Variants in RIMBP2 observed in about 807,000 individuals in gnomAD.
The protein encoded by RIMBP2 is RIMS-binding protein 2.
RIMBP2 carries 48 observed loss-of-function variants against 118.6 expected under a neutral mutation model. The observed-to-expected ratio is 0.40, with a 90% CI of 0.32 to 0.51. RIMBP2 has a LOEUF of 0.51. RIMBP2 is among the 20% of genes least tolerant of loss of function. The pLI, the probability that RIMBP2 is intolerant of heterozygous loss-of-function variation, is 0.41. For synonymous variants in RIMBP2, 762 were observed against 742.9 expected, an observed-to-expected ratio of 1.03 and a Z score of -0.42; for missense variants, 1,551 against 1,768.3, an observed-to-expected ratio of 0.88 and a Z score of 2.20.
intron 1 of RIMBP2, among the ~76,000 whole-genome samples, chr12:130,654,873 A>C (rs7968774): frequency 0.26 from 39,007 of 152,078 alleles, 5,579 homozygotes; most frequent in East Asian, 0.49. Flanking sequence ...CAGCAACAGC[A>C]AGAAAGCCAG....
chr12:130,709,090 T>C (rs1949708288), intron 1 of RIMBP2, among the ~76,000 whole-genome samples: 1 of 152,232 alleles, frequency 6.6e-6, no homozygotes, highest in Non-Finnish European at 1.5e-5. Context: ...GCAACAGCAG[T>C]CCGATGCATT....
chr12:130,563,722 C>T (rs1416086325), intron 2 of RIMBP2, among the ~76,000 whole-genome samples: 1 of 152,182 alleles, frequency 6.6e-6, no homozygotes, highest in Non-Finnish European at 1.5e-5. Flanking sequence ...CCCAAATGTA[C>T]ATTGACTAGA....
chr12:130,518,285 TAGAC>T (rs1050017731), intron 2 of RIMBP2, among the ~76,000 whole-genome samples: 2 of 152,072 alleles, frequency 1.3e-5, no homozygotes, highest in African/African-American at 4.8e-5. Flanking sequence ...CAATAAACAA[TAGAC>T]AGAGAAAGTT....
At chr12:130,679,970 C>T (rs1037328442) in intron 1 of RIMBP2, among the ~76,000 whole-genome samples, 16 of 151,450 alleles carry the variant, frequency 1.1e-4, no homozygotes, top group Non-Finnish European at 2.4e-4. Flanking sequence ...GGAGTGTGTT[C>T]GCCCGCCGTG....
At chr12:130,421,691 A>ATATGTGTGTGTGTG (rs143606738) in intron 17 of RIMBP2, among the ~76,000 whole-genome samples, 1 of 147,188 alleles carries the variant, frequency 6.8e-6, no homozygotes, top group African/African-American at 2.5e-5. Context: ...CTGCATTTAT[A>ATATGTGTGTGTGTG]TGTGTGTGTG....
At chr12:130,575,446 A>T (rs1445214688) in intron 2 of RIMBP2, among the ~76,000 whole-genome samples, 1 of 152,022 alleles carries the variant, frequency 6.6e-6, no homozygotes, top group Non-Finnish European at 1.5e-5. Context: ...AGCAATATTC[A>T]TGTGACATTT....
At chr12:130,714,927 A>T (rs1487606) in intron 1 of RIMBP2, among the ~76,000 whole-genome samples, 1 of 151,992 alleles carries the variant, frequency 6.6e-6, no homozygotes, top group Non-Finnish European at 1.5e-5. Flanking sequence ...GGAGGTGGTG[A>T]TTTTTTAGAG....
intron 4 of RIMBP2, among the ~76,000 whole-genome samples, chr12:130,483,775 C>T (rs960979559): frequency 7.0e-6 from 1 of 142,394 alleles, no homozygotes; most frequent in African/African-American, 2.6e-5. Flanking sequence ...CATCCCTCAC[C>T]TACACACAGT....
intron 1 of RIMBP2, among the ~76,000 whole-genome samples, chr12:130,662,403 A>C (rs1809607): frequency 0.54 from 82,431 of 151,774 alleles, 22,990 homozygotes; most frequent in Non-Finnish European, 0.62. Context: ...CACGCCTGTA[A>C]TCCTAGCACT....
chr12:130,455,363 G>A (rs2048777), intron 7 of RIMBP2, among the ~76,000 whole-genome samples: 67,265 of 152,084 alleles, frequency 0.44, 15,176 homozygotes, highest in Non-Finnish European at 0.46. Context: ...GGCTCCCCAC[G>A]TATCGTCTGC....
At chr12:130,654,980 G>C (rs964930091) in intron 1 of RIMBP2, among the ~76,000 whole-genome samples, 2 of 152,214 alleles carry the variant, frequency 1.3e-5, no homozygotes, top group Non-Finnish European at 2.9e-5. Context: ...AGCCATTCAT[G>C]AGGGACCTGC....
intron 2 of RIMBP2, among the ~76,000 whole-genome samples, chr12:130,590,948 G>A (rs1319189729): frequency 1.3e-5 from 2 of 152,190 alleles, no homozygotes; most frequent in Non-Finnish European, 2.9e-5. Flanking sequence ...TGCAGCCAGG[G>A]GAAAGCGGGA....
At chr12:130,655,513 C>T (rs191869793) in intron 1 of RIMBP2, among the ~76,000 whole-genome samples, 10 of 152,162 alleles carry the variant, frequency 6.6e-5, no homozygotes, top group Admixed American at 3.3e-4. Context: ...GGCTCTGGGG[C>T]CATAGAACAG....
intron 1 of RIMBP2, among the ~76,000 whole-genome samples, chr12:130,653,232 G>A (rs963294407): frequency 4.6e-5 from 7 of 152,174 alleles, no homozygotes; most frequent in Admixed American, 4.6e-4. Context: ...AAATCACGTC[G>A]TTTACTTCCA....
intron 2 of RIMBP2, among the ~76,000 whole-genome samples, chr12:130,626,084 A>G (rs904646422): frequency 6.6e-6 from 1 of 152,156 alleles, no homozygotes; most frequent in African/African-American, 2.4e-5. Flanking sequence ...AATCTTACCC[A>G]CCTCCAAGGA....
chr12:130,557,179 G>C (rs994056900), intron 2 of RIMBP2, among the ~76,000 whole-genome samples: 1 of 152,178 alleles, frequency 6.6e-6, no homozygotes, highest in Middle Eastern at 3.4e-3. Flanking sequence ...GGTGAAGATG[G>C]GCAAAGAAGG....
chr12:130,480,076 G>A (rs986742533), intron 4 of RIMBP2, among the ~76,000 whole-genome samples: 6 of 151,878 alleles, frequency 4.0e-5, no homozygotes, highest in African/African-American at 9.7e-5. Context: ...TGGCCACAGC[G>A]GGCGGGTGGG....
chr12:130,482,694 G>T (rs187191688), intron 4 of RIMBP2, among the ~76,000 whole-genome samples: 2 of 152,288 alleles, frequency 1.3e-5, no homozygotes, highest in Non-Finnish European at 2.9e-5. Flanking sequence ...AGCTCTCTTG[G>T]AGCTCACATT....
intron 2 of RIMBP2, among the ~76,000 whole-genome samples, chr12:130,605,447 T>TA (rs2060127330): frequency 6.6e-6 from 1 of 152,156 alleles, no homozygotes; most frequent in African/African-American, 2.4e-5. Flanking sequence ...TAACAAGGTA[T>TA]AAAAAATGTC....
Sources: gnomAD v4.1 joint callset for allele counts (sites outside exome capture counted in the v4.1 genomes callset) on GRCh38, gnomAD v4.1.1 for gene constraint, MANE v1.5 for transcripts, NCBI Gene and HGNC (gene_info 2026-07-23, HGNC 2026-07-21) for gene names.